GRIK2: variants seen among roughly 807,000 people sequenced by gnomAD.
GRIK2 encodes the protein glutamate receptor ionotropic, kainate 2.
Under a neutral mutation model 100.3 loss-of-function variants are expected in GRIK2, and 32 were observed. The observed-to-expected ratio is 0.32, with a 90% CI of 0.24 to 0.43. The LOEUF is 0.43. Ranked by LOEUF, GRIK2 falls within the 20% of genes least tolerant of loss-of-function variation. GRIK2 has a pLI of 1.00. For missense variants in GRIK2, 843 were observed against 1,114.9 expected (o/e 0.76, Z 3.47); for synonymous variants, 417 against 389.4 (o/e 1.07, Z -0.83).
intron 12 of GRIK2, among the ~76,000 whole-genome samples, chr6:101,919,457 G>A (rs373912610): frequency 3.3e-5 from 5 of 151,856 alleles, no homozygotes; most frequent in African/African-American, 9.6e-5. Context: ...AGGAGAAATT[G>A]GGAAACAGAG....
chr6:101,851,836 A>G (rs1285877514), intron 10 of GRIK2, among the ~76,000 whole-genome samples: 2 of 151,662 alleles, frequency 1.3e-5, no homozygotes, highest in South Asian at 2.1e-4. Flanking sequence ...TTACAATTTT[A>G]TATTCACATG....
chr6:101,544,593 C>T (rs1776149138), intron 2 of GRIK2, among the ~76,000 whole-genome samples: 1 of 152,098 alleles, frequency 6.6e-6, no homozygotes. Flanking sequence ...TTTATTTTGG[C>T]TCTGTACCTG....
chr6:101,928,426 A>G lies in GRIK2; in HGVS notation c.1879A>G (p.Met627Val). The change falls in exon 14 of 17, where the codon ATG (methionine) becomes GTG (valine). Residue 627 changes from methionine (M) to valine (V), a missense_variant. This residue lies in a region of GRIK2 where 237 missense variants were observed against 388.0 expected (regional missense o/e 0.61). Transcript: ENST00000369134. Reference sequence around the variant, plus strand: ...CCACTCTCTGTTAGGTTCTGAGCTCATGCCCAAAGCACTGTCCACCAGGAT... The same window carrying G: ...CCACTCTCTGTTAGGTTCTGAGCTCGTGCCCAAAGCACTGTCCACCAGGAT... The part of the protein sequence containing the change: ...GALMQQGSEL[M>V]PKALSTRIVG... The G allele has an allele frequency of 6.3e-7, 1 of 1,578,748 alleles. No homozygotes were observed. The highest frequency in any genetic ancestry group is 8.7e-7 in the Non-Finnish European group (1 of 1,147,848).
chr6:101,505,788 AAAAAC>A (rs1289557326), intron 2 of GRIK2, among the ~76,000 whole-genome samples: 1 of 151,744 alleles, frequency 6.6e-6, no homozygotes, highest in Non-Finnish European at 1.5e-5. Context: ...AAAAAAAAAA[AAAAAC>A]TAGAAATCAG....
At chr6:101,787,834 T>C (rs766303233) in intron 7 of GRIK2, among the ~76,000 whole-genome samples, 1 of 152,116 alleles carries the variant, frequency 6.6e-6, no homozygotes, top group Non-Finnish European at 1.5e-5. Context: ...TAAACTGCAG[T>C]TTTAATCTGA....
intron 14 of GRIK2, among the ~76,000 whole-genome samples, chr6:102,000,539 T>A (rs1447278314): frequency 7.2e-5 from 11 of 152,090 alleles, no homozygotes; most frequent in Admixed American, 7.2e-4. Flanking sequence ...TTTCTGTTTT[T>A]AATGACAAGT....
At position 101,643,510 on chromosome 6, in the gene GRIK2, G is replaced by A. The variant is rs191609588; in HGVS notation, c.541+16873G>A. 4.5e-4 allele frequency among the ~76,000 whole-genome samples: 68 copies of A among 151,666 alleles called. No homozygotes were observed. In the East Asian group the frequency reaches 0.012, roughly 28 times the overall value. ...TCATTTATTGACCACATATGTTAGA[G>A]TTTATTGTTGAAAATGAAAATTATT... On this transcript the variant is annotated intron_variant, in intron 4 of 16. Coordinates refer to ENST00000369134, the MANE Select transcript of GRIK2 (RefSeq NM_021956.5).
At chr6:101,580,976 C>A (rs1420961540) in intron 2 of GRIK2, among the ~76,000 whole-genome samples, 4 of 151,938 alleles carry the variant, frequency 2.6e-5, no homozygotes, top group Admixed American at 2.6e-4. Flanking sequence ...TTCTCCATAA[C>A]AATAATTACC....
At chr6:102,029,328 A>C (rs1003449861) in intron 14 of GRIK2, among the ~76,000 whole-genome samples, 3 of 151,272 alleles carry the variant, frequency 2.0e-5, no homozygotes, top group Non-Finnish European at 4.4e-5. Context: ...CTCCTTCAAC[A>C]TGCCGGTTGT....
intron 2 of GRIK2, among the ~76,000 whole-genome samples, chr6:101,497,974 A>G (rs764285009): frequency 1.3e-5 from 2 of 149,490 alleles, no homozygotes; most frequent in Non-Finnish European, 3.0e-5. Context: ...CCATTAACTC[A>G]TCATTTAGCA....
chr6:101,887,431 T>A (rs1308261496), intron 11 of GRIK2, among the ~76,000 whole-genome samples: 1 of 152,156 alleles, frequency 6.6e-6, no homozygotes, highest in Non-Finnish European at 1.5e-5. Flanking sequence ...CAGAATGAAG[T>A]AACACATACA....
intron 12 of GRIK2, 54 bp downstream of exon 12, chr6:101,889,917 C>A: frequency 1.1e-6 from 1 of 911,778 alleles, no homozygotes; most frequent in African/African-American, 1.7e-5. Context: ...CTTTATCTAA[C>A]TAATAATTGT....
At chr6:101,668,138 T>C (rs1477420559) in intron 4 of GRIK2, among the ~76,000 whole-genome samples, 2 of 152,200 alleles carry the variant, frequency 1.3e-5, no homozygotes, top group African/African-American at 4.8e-5. Flanking sequence ...CCTCCAATTC[T>C]ATTTTGTATA....
At chr6:101,438,785 A>G (rs1200930519) in intron 2 of GRIK2, among the ~76,000 whole-genome samples, 1 of 152,126 alleles carries the variant, frequency 6.6e-6, no homozygotes, top group Non-Finnish European at 1.5e-5. Context: ...ATAGTCACAG[A>G]CTGGGGGATT....
chr6:101,928,261 C>T (rs904974101), intron 13 of GRIK2, 154 bp from the exon 14 acceptor site: 7 of 605,354 alleles, frequency 1.2e-5, no homozygotes, highest in Non-Finnish European at 2.1e-5. Flanking sequence ...CCTCTGCTTT[C>T]CCAATGGTTG....
chr6:101,989,156 A>G (rs962039977), intron 14 of GRIK2, among the ~76,000 whole-genome samples: 1 of 152,178 alleles, frequency 6.6e-6, no homozygotes, highest in Admixed American at 6.6e-5. Flanking sequence ...TTTGTTGTAA[A>G]TAAATATTTA....
At chr6:101,504,136 G>A (rs997779515) in intron 2 of GRIK2, among the ~76,000 whole-genome samples, 4 of 151,964 alleles carry the variant, frequency 2.6e-5, no homozygotes, top group Non-Finnish European at 5.9e-5. Context: ...TTTATCTTTG[G>A]TCCTACTTAA....
chr6:101,810,476 T>A (rs1781259649), intron 9 of GRIK2, among the ~76,000 whole-genome samples: 1 of 152,006 alleles, frequency 6.6e-6, no homozygotes, highest in Admixed American at 6.6e-5. Flanking sequence ...TAGTTGAGAG[T>A]TTCAGGACGC....
chr6:101,820,515 G>A (rs1270572730), intron 10 of GRIK2, among the ~76,000 whole-genome samples: 2 of 151,916 alleles, frequency 1.3e-5, no homozygotes, highest in Non-Finnish European at 2.9e-5. Flanking sequence ...TCATGATCTC[G>A]GCTCACTGCA....
Sources: allele counts gnomAD v4.1 joint callset (sites outside exome capture counted in the v4.1 genomes callset), GRCh38; gene constraint gnomAD v4.1.1; regional missense constraint gnomAD v4.1.1; transcripts MANE v1.5; gene names NCBI Gene and HGNC (gene_info 2026-07-23, HGNC 2026-07-21).